The following GRID2 variants were observed in gnomAD, a reference collection of about 807,000 sequenced individuals.
GRID2 encodes glutamate receptor ionotropic, delta-2.
Under a neutral mutation model 114.8 loss-of-function variants are expected in GRID2, and 33 were observed. The observed-to-expected ratio is 0.29, with a 90% CI of 0.22 to 0.38. GRID2 has a LOEUF of 0.38. Ranked by LOEUF, GRID2 falls within the 10% of genes least tolerant of loss-of-function variation. GRID2 has a pLI of 1.00. For missense variants in GRID2, 1,184 were observed against 1,257.7 expected (o/e 0.94, Z 0.89); for synonymous variants, 505 against 449.9 (o/e 1.12, Z -1.55).
At chr4:93,447,118 C>T (rs1454176906) in intron 10 of GRID2, among the ~76,000 whole-genome samples, 1 of 151,838 alleles carries the variant, frequency 6.6e-6, no homozygotes, top group Non-Finnish European at 1.5e-5. Flanking sequence ...AACTCTCATA[C>T]ACTGTTCCTA....
intron 13 of GRID2, among the ~76,000 whole-genome samples, chr4:93,618,948 A>T (rs1199383137): frequency 1.3e-5 from 2 of 152,230 alleles, no homozygotes; most frequent in Non-Finnish European, 2.9e-5. Context: ...AACTTTAAAA[A>T]ATATATTTAG....
chr4:92,771,463 T>G (rs1241659346), intron 2 of GRID2, among the ~76,000 whole-genome samples: 2 of 152,140 alleles, frequency 1.3e-5, no homozygotes, highest in Admixed American at 6.5e-5. Context: ...GAGTATACGG[T>G]GGGGAGGTCG....
intron 14 of GRID2, among the ~76,000 whole-genome samples, chr4:93,632,492 GT>G (rs1454423787): frequency 6.6e-6 from 1 of 152,042 alleles, no homozygotes; most frequent in Non-Finnish European, 1.5e-5. Flanking sequence ...CCCATTTCTT[GT>G]TTTTGTCAGG....
intron 2 of GRID2, among the ~76,000 whole-genome samples, chr4:92,893,384 C>A (rs1337681794): frequency 1.3e-5 from 2 of 152,092 alleles, no homozygotes; most frequent in Non-Finnish European, 2.9e-5. Context: ...ACTTTTCAAC[C>A]CAGGGGCATG....
rs1267990455 is a variant in GRID2, at chr4:93,286,575, T to C, written c.1245+48085T>C. 4.6e-5 allele frequency among the ~76,000 whole-genome samples: 7 copies of C among 152,024 alleles called. No individual in the cohort carries two copies. In the South Asian group the frequency reaches 8.3e-4, roughly 18 times the overall value. Reference sequence around the variant, plus strand: ...CCTCACTCACCAACAAACACTAATATTGTCTTACCAAAACACACTGTATCA... The same window carrying C: ...CCTCACTCACCAACAAACACTAATACTGTCTTACCAAAACACACTGTATCA... On this transcript the variant is annotated intron_variant, in intron 8 of 15. Coordinates refer to ENST00000282020, the MANE Select transcript of GRID2 (RefSeq NM_001510.4).
intron 1 of GRID2, among the ~76,000 whole-genome samples, chr4:92,480,112 T>G (rs900746359): frequency 2.0e-5 from 3 of 152,086 alleles, no homozygotes; most frequent in Non-Finnish European, 4.4e-5. Flanking sequence ...TAATTTTTCT[T>G]GTCAAAAAAT....
intron 2 of GRID2, among the ~76,000 whole-genome samples, chr4:92,942,418 C>T (rs562323934): frequency 1.3e-5 from 2 of 152,188 alleles, no homozygotes; most frequent in Non-Finnish European, 2.9e-5. Context: ...TTTCCATTTG[C>T]TTGGCAGATC....
chr4:93,793,848 G>T (rs570227849), intron 1 of GRID2, among the ~76,000 whole-genome samples: 1 of 152,208 alleles, frequency 6.6e-6, no homozygotes, highest in African/African-American at 2.4e-5. Flanking sequence ...TTCTCATCCA[G>T]TTTTCACATC....
intron 14 of GRID2, among the ~76,000 whole-genome samples, chr4:93,674,249 A>G (rs80097133): frequency 1.3e-5 from 2 of 152,146 alleles, no homozygotes; most frequent in Non-Finnish European, 2.9e-5. Flanking sequence ...AATACTCGTG[A>G]GCGTGAGATA....
chr4:93,657,834 G>A (rs1349330575), intron 14 of GRID2, among the ~76,000 whole-genome samples: 1 of 152,188 alleles, frequency 6.6e-6, no homozygotes, highest in African/African-American at 2.4e-5. Context: ...TAGCTAGATT[G>A]CCTAAGGTAC....
intron 1 of GRID2, among the ~76,000 whole-genome samples, chr4:93,797,348 G>A (rs533645767): frequency 6.6e-6 from 1 of 152,256 alleles, no homozygotes; most frequent in African/African-American, 2.4e-5. Flanking sequence ...GCTCAAATGA[G>A]TTCCTGCAGT....
At position 92,334,979 on chromosome 4, in the gene GRID2, G is replaced by A. The variant is rs1727089165; in HGVS notation, c.88+30235G>A. 1.3e-5 allele frequency among the ~76,000 whole-genome samples: 2 copies of A among 152,114 alleles called. 1 individual carries two copies. Among genetic ancestry groups the A allele is most frequent in the Admixed American group, 1.3e-4 (2 of 15,258 alleles). ...TCATTATACGAGCCAATAATTTTCT[G>A]TTCAAAGTTGATTTAGTTTTCTTTT... On this transcript the variant is annotated intron_variant, in intron 1 of 15. Coordinates refer to ENST00000282020, the MANE Select transcript of GRID2 (RefSeq NM_001510.4).
At chr4:93,137,097 T>A (rs1029047615) in intron 4 of GRID2, among the ~76,000 whole-genome samples, 1 of 152,174 alleles carries the variant, frequency 6.6e-6, no homozygotes, top group African/African-American at 2.4e-5. Context: ...AGTTTAAAAT[T>A]CTAAATGATG....
chr4:93,312,423 A>G (rs1560485949), intron 8 of GRID2, among the ~76,000 whole-genome samples: 1 of 152,206 alleles, frequency 6.6e-6, no homozygotes, highest in Admixed American at 6.6e-5. Context: ...ATACAGGGAC[A>G]AAAACTTTTG....
intron 12 of GRID2, among the ~76,000 whole-genome samples, chr4:93,500,651 C>G (rs1728002963): frequency 6.6e-6 from 1 of 151,944 alleles, no homozygotes; most frequent in Non-Finnish European, 1.5e-5. Context: ...AAACAAAAAT[C>G]TGATGCATCT....
chr4:92,854,881 G>A (rs770562951), intron 2 of GRID2, among the ~76,000 whole-genome samples: 24 of 151,954 alleles, frequency 1.6e-4, no homozygotes, highest in Non-Finnish European at 3.4e-4. Context: ...TTGCCATAAT[G>A]AAATTGAGTA....
intron 2 of GRID2, among the ~76,000 whole-genome samples, chr4:93,000,522 A>G (rs909896656): frequency 7.9e-5 from 12 of 151,658 alleles, no homozygotes; most frequent in African/African-American, 2.9e-4. Flanking sequence ...AAATAAAGGT[A>G]TCATCCTTTG....
At chr4:93,567,170 A>C (rs1735505529) in intron 13 of GRID2, among the ~76,000 whole-genome samples, 1 of 152,216 alleles carries the variant, frequency 6.6e-6, no homozygotes, top group Non-Finnish European at 1.5e-5. Context: ...GGTTTATAAG[A>C]AAATACAAAT....
At chr4:92,819,230 A>T (rs947544940) in intron 2 of GRID2, among the ~76,000 whole-genome samples, 5 of 152,146 alleles carry the variant, frequency 3.3e-5, no homozygotes, top group African/African-American at 1.2e-4. Context: ...TATACATCAC[A>T]ATCACCCATG....
Sources: allele counts gnomAD v4.1 joint callset (sites outside exome capture counted in the v4.1 genomes callset), GRCh38; gene constraint gnomAD v4.1.1; transcripts MANE v1.5; gene names NCBI Gene and HGNC (gene_info 2026-07-23, HGNC 2026-07-21).